The following CDCA2 variants were observed in gnomAD, a reference collection of about 807,000 sequenced individuals.
The protein encoded by CDCA2 is cell division cycle associated 2.
CDCA2 carries 44 observed loss-of-function variants against 67.0 expected under a neutral mutation model. The observed-to-expected ratio is 0.66, with a 90% confidence interval of 0.52 to 0.84. The LOEUF (loss-of-function observed/expected upper bound fraction) is 0.84. Among genes scored for constraint, CDCA2 ranks in the 40% least tolerant of loss-of-function variants. CDCA2 has a pLI of 0.00. For synonymous variants in CDCA2, 447 were observed against 418.7 expected (o/e 1.07, Z -0.82); for missense variants, 1,253 against 1,203.2 (o/e 1.04, Z -0.61).
intron 13 of CDCA2, among the ~76,000 whole-genome samples, chr8:25,493,405 G>A (rs896490112): frequency 2.6e-5 from 4 of 152,130 alleles, no homozygotes; most frequent in Non-Finnish European, 5.9e-5. Flanking sequence ...GAAACAGTGA[G>A]GGCAAAGGAT....
In CDCA2 at chr8:25,503,478, A is replaced by G. The variant is rs1804554666; in HGVS notation, c.1777A>G (p.Ile593Val). The G allele has an allele frequency of 2.5e-6, 4 of 1,614,066 alleles. No homozygotes were observed. Among genetic ancestry groups the G allele is most frequent in the Admixed American group, 1.7e-5 (1 of 60,026 alleles). ...IASKKPLLSPIPELPEVPEMT... is the reference protein window; with the variant it reads ...IASKKPLLSPVPELPEVPEMT... Reference sequence around the variant, plus strand: ...TTCTAAGAAGCCCCTCCTCAGTCCTATTCCCGAGCTGCCTGAAGTCCCTGA... The same window carrying G: ...TTCTAAGAAGCCCCTCCTCAGTCCTGTTCCCGAGCTGCCTGAAGTCCCTGA... Residue 593 changes from isoleucine (I) to valine (V), a missense_variant, in exon 14 of 15, where the codon ATT becomes GTT. Physicochemically the swap from Ile to Val is conservative, Grantham distance 29. Transcript: ENST00000330560.
At chr8:25,500,563 A>G (rs1804434032) in intron 13 of CDCA2, among the ~76,000 whole-genome samples, 2 of 152,082 alleles carry the variant, frequency 1.3e-5, no homozygotes, top group African/African-American at 4.8e-5. Flanking sequence ...CTGGAGTGCA[A>G]TGGTGCAATC....
intron 13 of CDCA2, among the ~76,000 whole-genome samples, chr8:25,498,740 C>T (rs954805006): frequency 6.6e-6 from 1 of 152,050 alleles, no homozygotes; most frequent in East Asian, 1.9e-4. Context: ...CGCCTCATCC[C>T]CTGGCAACCA....
intron 6 of CDCA2, among the ~76,000 whole-genome samples, chr8:25,468,952 C>G (rs1803044696): frequency 6.6e-6 from 1 of 152,172 alleles, no homozygotes; most frequent in Admixed American, 6.5e-5. Context: ...TCAAGTAGCT[C>G]TAGGGATTTT....
intron 13 of CDCA2, among the ~76,000 whole-genome samples, chr8:25,499,264 A>C (rs896318705): frequency 7.2e-6 from 1 of 139,854 alleles, no homozygotes; most frequent in Admixed American, 7.1e-5. Context: ...AACCTCTCCT[A>C]TATGGTGTGA....
chr8:25,499,863 C>G (rs762611424), intron 13 of CDCA2, among the ~76,000 whole-genome samples: 4 of 152,156 alleles, frequency 2.6e-5, no homozygotes, highest in Non-Finnish European at 5.9e-5. Flanking sequence ...CAAGCATATA[C>G]AACTTCTTCT....
Position 25,506,606 on chromosome 8 carries a change from T to G in CDCA2, c.1940T>G (p.Met647Arg), listed in dbSNP as rs768084471. The G allele has an allele frequency of 1.4e-5, 23 of 1,610,672 alleles. No individual in the cohort carries two copies. The highest frequency in any genetic ancestry group is 5.1e-6 in the Non-Finnish European group (6 of 1,179,294). The change falls in exon 15 of 15, where the codon ATG becomes AGG. Residue 647 changes from methionine to arginine, a missense_variant. Met to Arg is a moderately conservative substitution (Grantham distance 91). Coordinates refer to ENST00000330560, the MANE Select transcript of CDCA2 (RefSeq NM_152562.4). Reference protein sequence around the residue: ...DLLRHDPDLHMHQGYDKYDVS... With the variant: ...DLLRHDPDLHRHQGYDKYDVS... ...TTGCGTCATGACCCAGATTTGCATA[T>G]GCATCAAGGCTATGATAAATATGAT...
At chr8:25,488,026 G>A (rs979972402) in intron 12 of CDCA2, among the ~76,000 whole-genome samples, 8 of 151,890 alleles carry the variant, frequency 5.3e-5, no homozygotes, top group African/African-American at 1.9e-4. Context: ...GTTTCAACTG[G>A]GAGTTATATA....
rs1380270078 is a variant in CDCA2 at position 25,507,218 on chromosome 8, C to A, written c.2552C>A (p.Thr851Lys). 2 of 1,614,174 alleles carry A rather than the reference C, an allele frequency of 1.2e-6. No individual in the cohort carries two copies. The highest frequency in any genetic ancestry group is 2.2e-5 in the South Asian group (2 of 91,086). ...CATTTGGAAAAAAATGGAAATCACACACCATCCTCCAGTGTGGGCAGCTCT... is the reference window on the plus strand; with the variant it reads ...CATTTGGAAAAAAATGGAAATCACAAACCATCCTCCAGTGTGGGCAGCTCT... ...SLHLEKNGNH[T>K]PSSSVGSSVE... The change falls in exon 15 of 15, where the codon ACA becomes AAA. Residue 851 changes from threonine (T) to lysine (K), a missense_variant. Physicochemically the swap from Thr to Lys is moderately conservative, Grantham distance 78. Transcript: ENST00000330560.
In CDCA2 at chr8:25,462,181, T is replaced by A. The variant is rs1320892720; in HGVS notation, c.360T>A (p.Ser120=). 6.2e-7 allele frequency: 1 copy of A among 1,614,166 alleles called. No individual in the cohort carries two copies. Among genetic ancestry groups the A allele is most frequent in the East Asian group, 2.2e-5 (1 of 44,892 alleles). The stretch of plus-strand genomic sequence containing the variant: ...AAAATATAAAGAATGCTAGGAAATC[T>A]CCTTTGGCACAAGATTCTCCTTCCC... ...RQQNIKNARK[S]PLAQDSPSQG... is the part of the protein sequence containing the mutation. The change falls in exon 4 of 15, where the codon TCT becomes TCA. Residue 120 remains serine, a synonymous_variant. Transcript: ENST00000330560.
At chr8:25,472,689 ATTGTT>A (rs373709200) in intron 7 of CDCA2, among the ~76,000 whole-genome samples, 124 of 152,224 alleles carry the variant, frequency 8.1e-4, no homozygotes, top group African/African-American at 2.8e-3. Flanking sequence ...GTGTCATGTA[ATTGTT>A]TTGTTTTTCT....
chr8:25,501,910 TG>T (rs1449542056), intron 13 of CDCA2, among the ~76,000 whole-genome samples: 2 of 152,228 alleles, frequency 1.3e-5, no homozygotes, highest in African/African-American at 4.8e-5. Context: ...TGTTTTGTTT[TG>T]TTTTTTTGAG....
At chr8:25,464,873 T>A (rs1056315393) in intron 4 of CDCA2, among the ~76,000 whole-genome samples, 1 of 152,226 alleles carries the variant, frequency 6.6e-6, no homozygotes, top group Non-Finnish European at 1.5e-5. Flanking sequence ...CATTATGTAA[T>A]AGAGAATTTG....
chr8:25,476,726 G>C (rs1272017709), intron 7 of CDCA2, among the ~76,000 whole-genome samples: 1 of 151,862 alleles, frequency 6.6e-6, no homozygotes, highest in East Asian at 1.9e-4. Context: ...GCTAATTTTT[G>C]TATTTTTAGT....
At chr8:25,477,834 C>T (rs1803409674) in intron 7 of CDCA2, among the ~76,000 whole-genome samples, 1 of 152,134 alleles carries the variant, frequency 6.6e-6, no homozygotes, top group African/African-American at 2.4e-5. Flanking sequence ...ACCTGCTCAT[C>T]TCTGTTTTCC....
chr8:25,467,179 G>A (rs796274278), intron 5 of CDCA2, among the ~76,000 whole-genome samples: 1 of 147,650 alleles, frequency 6.8e-6, no homozygotes, highest in African/African-American at 2.5e-5. Context: ...CCCCAATCAC[G>A]AAGCATTTCA....
rs755799073 is a variant in CDCA2 at position 25,487,878 on chromosome 8, ATTTG to A, written c.1533+549_1533+552del. 1.1e-4 allele frequency among the ~76,000 whole-genome samples: 17 copies of A among 152,354 alleles called. No individual in the cohort carries two copies. In the South Asian group the frequency reaches 2.3e-3, roughly 20 times the overall value. On this transcript the variant is annotated intron_variant, in intron 12 of 14. Transcript: ENST00000330560. Reference sequence around the variant, plus strand: ...CTGTGTTAACATGGAAGTTAACAAAATTTGTTTGGGATCTATATGATTTTATGAA... The same window carrying A: ...CTGTGTTAACATGGAAGTTAACAAAATTTGGGATCTATATGATTTTATGAA...
intron 13 of CDCA2, 54 bp from the exon 14 acceptor site, chr8:25,503,319 T>C (rs1804546267): frequency 4.3e-6 from 6 of 1,405,380 alleles, no homozygotes; most frequent in Middle Eastern, 1.8e-4. Context: ...AGGGTCAAAA[T>C]TTTACATGGT....
intron 10 of CDCA2, among the ~76,000 whole-genome samples, chr8:25,485,180 TATA>T (rs59602718): frequency 0.034 from 3,877 of 113,900 alleles, 148 homozygotes; most frequent in African/African-American, 0.095. Context: ...AAACTTAAAG[TATA>T]ATAATAATAA....
Sources: gnomAD v4.1 joint callset for allele counts (sites outside exome capture counted in the v4.1 genomes callset) on GRCh38, gnomAD v4.1.1 for gene constraint, MANE v1.5 for transcripts, NCBI Gene and HGNC (gene_info 2026-07-23, HGNC 2026-07-21) for gene names.